Variants in TOX3 observed in about 807,000 individuals in gnomAD.
TOX3 encodes the protein TOX high mobility group box family member 3.
A neutral mutation model predicts 64.3 loss-of-function variants in TOX3; 22 were observed. The observed-to-expected ratio is 0.34, with a 90% CI of 0.24 to 0.49. The LOEUF (loss-of-function observed/expected upper bound fraction) is 0.49. Ranked by LOEUF, TOX3 falls within the 20% of genes least tolerant of loss-of-function variation. TOX3 has a pLI of 0.99. For synonymous variants in TOX3, 291 were observed against 273.6 expected (o/e 1.06, Z -0.63); for missense variants, 661 against 714.4 (o/e 0.93, Z 0.85).
intron 3 of TOX3, among the ~76,000 whole-genome samples, chr16:52,462,361 C>A (rs987203332): frequency 6.6e-6 from 1 of 151,996 alleles, no homozygotes; most frequent in Non-Finnish European, 1.5e-5. Flanking sequence ...TTAGTTCTTT[C>A]CAATATAGTA....
Position 52,477,134 on chromosome 16 carries a change from GA to G in TOX3, c.88-8561del, listed in dbSNP as rs757766553. Reference sequence around the variant, plus strand: ...AAGTCTTTAACCAAGAAAGAAGGCAGACAGAGGGAGAGTCCCAGGCAAAAAG... The same window carrying G: ...AAGTCTTTAACCAAGAAAGAAGGCAGCAGAGGGAGAGTCCCAGGCAAAAAG... On this transcript the variant is annotated intron_variant, in intron 1 of 6. Coordinates refer to ENST00000219746, the MANE Select transcript of TOX3 (RefSeq NM_001080430.4). 6.6e-5 allele frequency among the ~76,000 whole-genome samples: 10 copies of G among 152,248 alleles called. No individual in the cohort carries two copies. In the East Asian group the frequency reaches 1.7e-3, roughly 26 times the overall value.
intron 1 of TOX3, among the ~76,000 whole-genome samples, chr16:52,518,795 G>A (rs1962522702): frequency 6.6e-6 from 1 of 152,188 alleles, no homozygotes; most frequent in South Asian, 2.1e-4. Flanking sequence ...GCTGGATATA[G>A]TTTTCACAGA....
At chr16:52,545,526 GT>G (rs1963155298) in intron 1 of TOX3, among the ~76,000 whole-genome samples, 1 of 152,292 alleles carries the variant, frequency 6.6e-6, no homozygotes, top group South Asian at 2.1e-4. Context: ...TTATTCATTA[GT>G]TTTGTTTAGC....
At chr16:52,480,470 G>C (rs1167281878) in intron 1 of TOX3, among the ~76,000 whole-genome samples, 1 of 152,036 alleles carries the variant, frequency 6.6e-6, no homozygotes, top group Non-Finnish European at 1.5e-5. Context: ...ATTTACACTG[G>C]ACACCCCGAG....
At chr16:52,444,407 A>G (rs1218754397) in intron 5 of TOX3, 51 bp from the exon 6 acceptor site, 13 of 1,438,632 alleles carry the variant, frequency 9.0e-6, no homozygotes, top group East Asian at 2.5e-5. Context: ...ATTCTCAGCT[A>G]TAAAATAGCT....
chr16:52,541,687 CTG>C (rs1963080772), intron 1 of TOX3, among the ~76,000 whole-genome samples: 1 of 152,198 alleles, frequency 6.6e-6, no homozygotes, highest in Non-Finnish European at 1.5e-5. Flanking sequence ...ACTTTGAAAA[CTG>C]TGACCACCTA....
At chr16:52,537,421 A>G (rs1962976299) in intron 1 of TOX3, among the ~76,000 whole-genome samples, 1 of 152,184 alleles carries the variant, frequency 6.6e-6, no homozygotes, top group African/African-American at 2.4e-5. Context: ...TAATATAAAC[A>G]ATATTTATGA....
At chr16:52,484,157 T>C (rs973586372) in intron 1 of TOX3, among the ~76,000 whole-genome samples, 10 of 152,228 alleles carry the variant, frequency 6.6e-5, no homozygotes, top group African/African-American at 2.2e-4. Flanking sequence ...TCATACCTTA[T>C]GGACTCCAAT....
chr16:52,500,186 G>C (rs1046288165), intron 1 of TOX3, among the ~76,000 whole-genome samples: 2 of 152,152 alleles, frequency 1.3e-5, no homozygotes, highest in Admixed American at 6.5e-5. Context: ...AAGTCACATC[G>C]CATCAAATGT....
intron 1 of TOX3, among the ~76,000 whole-genome samples, chr16:52,492,399 C>A (rs1051337417): frequency 6.9e-6 from 1 of 144,784 alleles, no homozygotes; most frequent in Non-Finnish European, 1.5e-5. Context: ...CAACAATTAT[C>A]AAATATTATC....
chr16:52,504,639 C>T (rs1485779071), intron 1 of TOX3, among the ~76,000 whole-genome samples: 1 of 151,890 alleles, frequency 6.6e-6, no homozygotes, highest in Non-Finnish European at 1.5e-5. Flanking sequence ...GAAGAAATGG[C>T]GTTTGTTTCA....
chr16:52,447,291 G>A (rs1462056207), intron 4 of TOX3, among the ~76,000 whole-genome samples: 1 of 152,106 alleles, frequency 6.6e-6, no homozygotes, highest in Non-Finnish European at 1.5e-5. Context: ...GCCAGCCTTG[G>A]GCAAGATCAA....
chr16:52,468,819 G>T (rs1960945354), intron 1 of TOX3, among the ~76,000 whole-genome samples: 1 of 152,148 alleles, frequency 6.6e-6, no homozygotes, highest in African/African-American at 2.4e-5. Flanking sequence ...TGAAGGGAAA[G>T]GATTACAAAC....
intron 6 of TOX3, among the ~76,000 whole-genome samples, chr16:52,440,232 G>A (rs1040923483): frequency 3.9e-5 from 6 of 152,048 alleles, no homozygotes; most frequent in African/African-American, 1.2e-4. Context: ...GTTCCAAGAC[G>A]AGGCTTCAAG....
At chr16:52,524,612 T>A (rs1303088214) in intron 1 of TOX3, among the ~76,000 whole-genome samples, 1 of 152,128 alleles carries the variant, frequency 6.6e-6, no homozygotes, top group African/African-American at 2.4e-5. Context: ...AGGGACTCAC[T>A]CTTGTTACAA....
chr16:52,469,486 T>G (rs1260925497), intron 1 of TOX3, among the ~76,000 whole-genome samples: 1 of 152,202 alleles, frequency 6.6e-6, no homozygotes, highest in African/African-American at 2.4e-5. Context: ...ATTTTCATGA[T>G]TTTTAACTGG....
chr16:52,533,972 G>T (rs751237201), intron 1 of TOX3, among the ~76,000 whole-genome samples: 4 of 152,180 alleles, frequency 2.6e-5, no homozygotes, highest in Non-Finnish European at 5.9e-5. Flanking sequence ...TCCCTGAATG[G>T]GTGAGGATGA....
intron 1 of TOX3, among the ~76,000 whole-genome samples, chr16:52,489,074 C>G (rs76794718): frequency 5.9e-5 from 9 of 152,180 alleles, no homozygotes; most frequent in African/African-American, 2.2e-4. Context: ...TTCAAATCAT[C>G]CCTTTTTTTT....
chr16:52,453,163 G>A (rs946631804), intron 3 of TOX3, among the ~76,000 whole-genome samples: 3 of 148,780 alleles, frequency 2.0e-5, no homozygotes, highest in Non-Finnish European at 4.4e-5. Context: ...CTAAATTTTC[G>A]TCTTCATATA....
Sources: gnomAD v4.1 joint callset for allele counts (sites outside exome capture counted in the v4.1 genomes callset) on GRCh38, gnomAD v4.1.1 for gene constraint, MANE v1.5 for transcripts, NCBI Gene and HGNC (gene_info 2026-07-23, HGNC 2026-07-21) for gene names.